RUNDC1: variants seen among roughly 807,000 people sequenced by gnomAD.
RUNDC1 encodes RUN domain containing 1.
RUNDC1 carries 31 observed loss-of-function variants against 49.3 expected under a neutral mutation model. The ratio of observed to expected loss-of-function variants is 0.63; its 90% CI spans 0.47 to 0.85. RUNDC1 has a LOEUF of 0.85. Ranked by LOEUF, RUNDC1 falls within the 40% of genes least tolerant of loss-of-function variation. The pLI, the probability that RUNDC1 is intolerant of heterozygous loss-of-function variation, is 0.00. For synonymous variants in RUNDC1, 347 were observed against 348.6 expected, an observed-to-expected ratio of 1.00 and a Z score of 0.05; for missense variants, 715 against 806.7, an observed-to-expected ratio of 0.89 and a Z score of 1.38.
rs978842143 is a variant in RUNDC1 at position 42,991,990 on chromosome 17, G to A, written c.*274G>A. The A allele has an allele frequency of 1.8e-5, 7 of 388,948 alleles. No individual in the cohort carries two copies. Among genetic ancestry groups the A allele is most frequent in the Non-Finnish European group, 3.4e-5 (7 of 207,924 alleles). The allele number at this position is 388,948 out of a possible 1,614,324, so 24.1% of individuals were successfully genotyped here. ...AGCACTTTGGGAGGCCGAGGCGGGC[G>A]GATCACAAGGTCAGGAGTTCGAGAC... On this transcript the variant is annotated 3_prime_UTR_variant, in exon 5 of 5. Transcript: ENST00000361677.
chr17:42,985,586 G>A, intron 1 of RUNDC1: 1 of 539,208 alleles, frequency 1.9e-6, no homozygotes, highest in Non-Finnish European at 2.3e-6. Flanking sequence ...TAAACAAAAA[G>A]TTAATTTGTT....
intron 1 of RUNDC1, among the ~76,000 whole-genome samples, chr17:42,984,889 C>CTTTTTTTT (rs56228523): frequency 3.7e-4 from 24 of 65,300 alleles, no homozygotes; most frequent in Admixed American, 9.1e-4. Flanking sequence ...TTCTTTCTTT[C>CTTTTTTTT]TTTTTTTTTT....
At position 42,980,582 on chromosome 17, in the gene RUNDC1, G is replaced by C. The variant is rs747361282; in HGVS notation, c.6G>C (p.Ala2=). ...GCGGTGGTGTTTCCGGGAAGATGGC[G>C]GCTGTCGAAGCGGCTGCAGAGCCGG... The part of the protein sequence containing the change: M[A]AVEAAAEPVT... Residue 2 remains alanine, a synonymous_variant, in exon 1 of 5, where the codon GCG becomes GCC. Coordinates refer to ENST00000361677, the MANE Select transcript of RUNDC1 (RefSeq NM_173079.5). The C allele has an allele frequency of 1.2e-6, 2 of 1,609,266 alleles. No individual in the cohort carries two copies. The highest frequency in any genetic ancestry group is 1.7e-6 in the Non-Finnish European group (2 of 1,178,994).
chr17:42,985,091 T>A (rs2050153797), intron 1 of RUNDC1, among the ~76,000 whole-genome samples: 1 of 152,004 alleles, frequency 6.6e-6, no homozygotes, highest in South Asian at 2.1e-4. Flanking sequence ...TCCACCATGT[T>A]GGCCAGGCTG....
At chr17:42,983,111 G>A (rs1196934581) in intron 1 of RUNDC1, among the ~76,000 whole-genome samples, 1 of 150,750 alleles carries the variant, frequency 6.6e-6, no homozygotes, top group Non-Finnish European at 1.5e-5. Context: ...GAGCCCAGGA[G>A]TTGGAGGCTG....
intron 1 of RUNDC1, 113 bp downstream of exon 1, chr17:42,981,187 T>G: frequency 7.6e-7 from 1 of 1,320,762 alleles, no homozygotes; most frequent in Non-Finnish European, 1.0e-6. Context: ...ACTCGGTCGG[T>G]GAGTACGTGT....
intron 1 of RUNDC1, among the ~76,000 whole-genome samples, chr17:42,983,153 G>A (rs2050125962): frequency 6.8e-6 from 1 of 147,012 alleles, no homozygotes. Flanking sequence ...CTGCACTCCA[G>A]CCTGAGTAAC....
intron 3 of RUNDC1, 53 bp downstream of exon 3, chr17:42,989,592 C>T (rs2050212572): frequency 6.6e-7 from 1 of 1,514,190 alleles, no homozygotes; most frequent in Non-Finnish European, 9.2e-7. Context: ...AATAATTATA[C>T]TTATTCTAAG....
rs1298544929 is a variant in RUNDC1, at chr17:42,981,026, G to A, written c.450G>A (p.Glu150=). Residue 150 remains glutamate (E), a synonymous_variant, in exon 1 of 5, where the codon GAG becomes GAA. Coordinates refer to ENST00000361677, the MANE Select transcript of RUNDC1 (RefSeq NM_173079.5). The part of the protein sequence containing the change: ...YEGPGDPASD[E]GDGLPGDRPW... Reference sequence around the variant, plus strand: ...GGCCCGGCGACCCCGCCAGCGATGAGGGCGATGGGCTGCCAGGGGACCGGC... The same window carrying A: ...GGCCCGGCGACCCCGCCAGCGATGAAGGCGATGGGCTGCCAGGGGACCGGC... 1.3e-6 allele frequency: 2 copies of A among 1,553,502 alleles called. No homozygotes were observed. Among genetic ancestry groups the A allele is most frequent in the Non-Finnish European group, 1.7e-6 (2 of 1,156,880 alleles).
intron 1 of RUNDC1, among the ~76,000 whole-genome samples, chr17:42,982,310 A>G (rs1334585483): frequency 6.6e-6 from 1 of 152,034 alleles, no homozygotes; most frequent in Non-Finnish European, 1.5e-5. Context: ...TTATTCTTCA[A>G]ACTACAATCT....
rs2050285286 is a variant in RUNDC1 at position 42,994,700 on chromosome 17, G to GT, written c.*2985dup. ...CTAAGTTCTTGAAACCTAAATGTGT[G>GT]TATCAACTGAGACAACCCAACAATT... On this transcript the variant is annotated 3_prime_UTR_variant, in exon 5 of 5. Transcript: ENST00000361677. Among the ~76,000 whole-genome samples, 2 of 152,164 alleles carry GT rather than the reference G, an allele frequency of 1.3e-5. No homozygotes were observed. The highest frequency in any genetic ancestry group is 1.3e-4 in the Admixed American group (2 of 15,272).
In RUNDC1 at chr17:42,987,413, G is replaced by A. The variant is rs756395019; in HGVS notation, c.656G>A (p.Arg219Gln). ...CAGTCCGTGGTGTTGGAAAGACAGC[G>A]GGTGAGCAGACCCCAGAGGAACCTC... The part of the protein sequence containing the change: ...LPQSVVLERQ[R>Q]VIIDELIKKL... Residue 219 changes from arginine (R) to glutamine (Q), a missense_variant and splice_region_variant, in exon 2 of 5, where the codon CGG (arginine) becomes CAG (glutamine). Physicochemically the swap from Arg to Gln is conservative, Grantham distance 43 (BLOSUM62 1). Transcript: ENST00000361677. 2.4e-5 allele frequency: 38 copies of A among 1,614,028 alleles called. No individual in the cohort carries two copies. The highest frequency in any genetic ancestry group is 3.3e-5 in the Admixed American group (2 of 60,002).
rs747650861 is a variant in RUNDC1 at position 42,991,497 on chromosome 17, G to A, written c.1623G>A (p.Leu541=). The change falls in exon 5 of 5, where the codon TTG becomes TTA. Residue 541 remains leucine (L), a synonymous_variant. Transcript: ENST00000361677. The part of the protein sequence containing the change: ...KRSADSELKA[L]VCMALNEQRL... Reference sequence around the variant, plus strand: ...GTGCAGACTCAGAATTGAAGGCCTTGGTGTGCATGGCACTGAATGAGCAGC... The same window carrying A: ...GTGCAGACTCAGAATTGAAGGCCTTAGTGTGCATGGCACTGAATGAGCAGC... 3 of 1,614,072 alleles carry A rather than the reference G, an allele frequency of 1.9e-6. No homozygotes were observed. Among genetic ancestry groups the A allele is most frequent in the East Asian group, 4.5e-5 (2 of 44,896 alleles).
At position 42,989,419 on chromosome 17, in the gene RUNDC1, C is replaced by T. The variant is rs778661306; in HGVS notation, c.736C>T (p.Arg246Cys). 5 of 1,613,894 alleles carry T rather than the reference C, an allele frequency of 3.1e-6. No individual in the cohort carries two copies. Among genetic ancestry groups the T allele is most frequent in the South Asian group, 2.2e-5 (2 of 91,080 alleles). ...CAGTTCCCTGTCCACTGAAGAGCTTCGTCAGCGTGTAGATGCAGCAGTGGC... is the reference window on the plus strand; with the variant it reads ...CAGTTCCCTGTCCACTGAAGAGCTTTGTCAGCGTGTAGATGCAGCAGTGGC... ...DISSLSTEEL[R>C]QRVDAAVAQI... Residue 246 changes from arginine to cysteine, a missense_variant, in exon 3 of 5, where the codon CGT (arginine) becomes TGT (cysteine). Coordinates refer to ENST00000361677, the MANE Select transcript of RUNDC1 (RefSeq NM_173079.5).
At position 42,991,887 on chromosome 17, in the gene RUNDC1, C is replaced by T. The variant is rs1463911714; in HGVS notation, c.*171C>T. 16 of 686,386 alleles carry T rather than the reference C, an allele frequency of 2.3e-5. No individual in the cohort carries two copies. In the Admixed American group the frequency reaches 3.8e-4, roughly 16 times the overall value. The allele number at this position is 686,386 out of a possible 1,614,324, so 42.5% of individuals were successfully genotyped here. On this transcript the variant is annotated 3_prime_UTR_variant, in exon 5 of 5. Coordinates refer to ENST00000361677, the MANE Select transcript of RUNDC1 (RefSeq NM_173079.5). ...CTGTTTTCCCCACCAACTTAGCTCT[C>T]GGAAAGATGTGCTGGAGGGACCCTC...
chr17:42,988,209 C>G (rs942152428), intron 2 of RUNDC1, among the ~76,000 whole-genome samples: 15 of 151,564 alleles, frequency 9.9e-5, no homozygotes, highest in Non-Finnish European at 1.8e-4. Flanking sequence ...TTCTCTACCC[C>G]TGTGCTGTGG....
rs2050287174 is a variant in RUNDC1, at chr17:42,994,881, C to T, written c.*3165C>T. ...CAAGGATATGCAAGAATGGAAGGGT[C>T]AAGAGCCACGGATATGTATGCAGTG... On this transcript the variant is annotated 3_prime_UTR_variant, in exon 5 of 5. Transcript: ENST00000361677. Among the ~76,000 whole-genome samples, 1 of 152,096 alleles carries T rather than the reference C, an allele frequency of 6.6e-6. No homozygotes were observed.
At chr17:42,984,529 C>T (rs1467899189) in intron 1 of RUNDC1, among the ~76,000 whole-genome samples, 2 of 152,198 alleles carry the variant, frequency 1.3e-5, no homozygotes, top group African/African-American at 2.4e-5. Flanking sequence ...GATCCACCCA[C>T]CTCAACCCCA....
Position 42,991,708 on chromosome 17 carries a change from G to A in RUNDC1, c.1834G>A (p.Ala612Thr). The change falls in exon 5 of 5, where the codon GCC becomes ACC. Residue 612 changes from alanine to threonine, a missense_variant. Physicochemically the swap from Ala to Thr is moderately conservative, Grantham distance 58 (BLOSUM62 0). Coordinates refer to ENST00000361677, the MANE Select transcript of RUNDC1 (RefSeq NM_173079.5). ...AVRQLKNIKD[A>T]F ...GCGCCAGCTCAAAAACATCAAAGAT[G>A]CCTTTTGATGAGAGTGCCCTAACCC... is the stretch of plus-strand genomic sequence containing the variant. 6.2e-7 allele frequency: 1 copy of A among 1,610,278 alleles called. No individual in the cohort carries two copies. The highest frequency in any genetic ancestry group is 8.5e-7 in the Non-Finnish European group (1 of 1,178,308).
Sources: allele counts gnomAD v4.1 joint callset (sites outside exome capture counted in the v4.1 genomes callset), GRCh38; gene constraint gnomAD v4.1.1; transcripts MANE v1.5; gene names NCBI Gene and HGNC (gene_info 2026-07-23, HGNC 2026-07-21).